The following CNTNAP5 variants were observed in gnomAD, a reference collection of about 807,000 sequenced individuals.
CNTNAP5 encodes the protein contactin associated protein family member 5, also known as contactin-associated protein-like 5.
A neutral mutation model predicts 150.2 loss-of-function variants in CNTNAP5; 72 were observed. That is an observed-to-expected ratio of 0.48 (90% CI 0.40 to 0.58). The LOEUF (loss-of-function observed/expected upper bound fraction) is 0.58. Ranked by LOEUF, CNTNAP5 falls within the 20% of genes least tolerant of loss-of-function variation. CNTNAP5 has a pLI of 0.00. For synonymous variants in CNTNAP5, 672 were observed against 619.8 expected (o/e 1.08, Z -1.25); for missense variants, 1,636 against 1,626.2 (o/e 1.01, Z -0.10).
At chr2:124,733,800 T>C (rs1680324825) in intron 13 of CNTNAP5, among the ~76,000 whole-genome samples, 1 of 152,190 alleles carries the variant, frequency 6.6e-6, no homozygotes, top group Admixed American at 6.5e-5. Context: ...ATTGCAGTGA[T>C]GTGCAGGCAG....
intron 13 of CNTNAP5, among the ~76,000 whole-genome samples, chr2:124,655,536 ATT>A (rs1678424742): frequency 1.1e-5 from 1 of 92,490 alleles, no homozygotes; most frequent in African/African-American, 4.4e-5. Flanking sequence ...GCATCAAATG[ATT>A]ATATATATAT....
chr2:124,208,232 A>G (rs1255298383), intron 1 of CNTNAP5, among the ~76,000 whole-genome samples: 3 of 152,172 alleles, frequency 2.0e-5, no homozygotes, highest in African/African-American at 7.2e-5. Context: ...ATGATTGTCT[A>G]TTGGGACCTA....
intron 14 of CNTNAP5, among the ~76,000 whole-genome samples, chr2:124,760,751 G>T (rs983666956): frequency 2.0e-5 from 3 of 151,898 alleles, no homozygotes; most frequent in Non-Finnish European, 4.4e-5. Context: ...TATATTGTTT[G>T]TATGTCATAT....
chr2:124,790,203 G>A (rs1681695628), intron 18 of CNTNAP5, 62 bp downstream of exon 18: 1 of 1,489,900 alleles, frequency 6.7e-7, no homozygotes. Context: ...GCTATGGTCA[G>A]GCCATGTGAT....
intron 5 of CNTNAP5, among the ~76,000 whole-genome samples, chr2:124,440,027 A>G (rs1467695381): frequency 1.3e-5 from 2 of 152,168 alleles, no homozygotes; most frequent in Non-Finnish European, 2.9e-5. Flanking sequence ...AGTAGTGAAG[A>G]CAGTTTTAGC....
intron 3 of CNTNAP5, among the ~76,000 whole-genome samples, chr2:124,290,590 C>G (rs1019118547): frequency 6.6e-6 from 1 of 152,182 alleles, no homozygotes; most frequent in Non-Finnish European, 1.5e-5. Flanking sequence ...AAGTCCTAGA[C>G]TAATGCTCTC....
intron 13 of CNTNAP5, among the ~76,000 whole-genome samples, chr2:124,746,376 T>C (rs1680603844): frequency 6.6e-6 from 1 of 152,152 alleles, no homozygotes; most frequent in African/African-American, 2.4e-5. Context: ...AGGACAAGAC[T>C]CAAAAATGGT....
intron 10 of CNTNAP5, among the ~76,000 whole-genome samples, chr2:124,550,887 T>A (rs1027554131): frequency 6.6e-6 from 1 of 152,214 alleles, no homozygotes; most frequent in Non-Finnish European, 1.5e-5. Flanking sequence ...GGTAGCAATG[T>A]CTTGCTACTA....
chr2:124,490,638 G>A (rs1181148027), intron 7 of CNTNAP5, among the ~76,000 whole-genome samples: 1 of 151,918 alleles, frequency 6.6e-6, no homozygotes. Flanking sequence ...ATCCAATATG[G>A]TAGCCACTAG....
At chr2:124,852,726 A>G (rs1472660956) in intron 19 of CNTNAP5, among the ~76,000 whole-genome samples, 1 of 152,188 alleles carries the variant, frequency 6.6e-6, no homozygotes, top group Non-Finnish European at 1.5e-5. Flanking sequence ...TAGTTGTTCA[A>G]GTGAGAGCTG....
Position 124,046,396 on chromosome 2 carries a change from T to C in CNTNAP5, c.82+20664T>C, listed in dbSNP as rs1308286891. Among the ~76,000 whole-genome samples, 11 of 146,162 alleles carry C rather than the reference T, an allele frequency of 7.5e-5. No individual in the cohort carries two copies. In the Admixed American group the frequency reaches 7.7e-4, roughly 10 times the overall value. On this transcript the variant is annotated intron_variant, in intron 1 of 23. Transcript: ENST00000682447. Reference sequence around the variant, plus strand: ...TACTCAGAGCCTTTCCCTTTGTCCTTTCCTCCACCTCCCCTGAGATCTGCT... The same window carrying C: ...TACTCAGAGCCTTTCCCTTTGTCCTCTCCTCCACCTCCCCTGAGATCTGCT...
chr2:124,621,557 G>C (rs1182688214), intron 12 of CNTNAP5, among the ~76,000 whole-genome samples: 1 of 152,150 alleles, frequency 6.6e-6, no homozygotes, highest in African/African-American at 2.4e-5. Context: ...TGCAATTGAG[G>C]TCTCTCCAAT....
chr2:124,728,359 G>A (rs1467874747), intron 13 of CNTNAP5, among the ~76,000 whole-genome samples: 5 of 151,984 alleles, frequency 3.3e-5, no homozygotes, highest in Non-Finnish European at 7.4e-5. Context: ...GAGAAGGATT[G>A]ACACTAGTTC....
intron 3 of CNTNAP5, among the ~76,000 whole-genome samples, chr2:124,390,099 C>T (rs1027252213): frequency 2.0e-5 from 3 of 152,102 alleles, no homozygotes; most frequent in Admixed American, 6.6e-5. Flanking sequence ...CCCCAAAGCA[C>T]GATCAATGAT....
At position 124,164,867 on chromosome 2, in the gene CNTNAP5, T is replaced by A. The variant is rs181472103; in HGVS notation, c.83-56838T>A. Among the ~76,000 whole-genome samples the A allele has an allele frequency of 1.5e-3, 228 of 151,268 alleles. 3 individuals carry two copies. Among genetic ancestry groups the A allele is most frequent in the Admixed American group, 3.6e-3 (54 of 15,196 alleles). On this transcript the variant is annotated intron_variant, in intron 1 of 23. Transcript: ENST00000682447. ...TAGATCTCAGCTGGGGAAGGAAAAA[T>A]CAGGTTTTGTCTTAAGCTACTGGAT...
chr2:124,324,542 C>T (rs1294556999), intron 3 of CNTNAP5, among the ~76,000 whole-genome samples: 2 of 152,078 alleles, frequency 1.3e-5, no homozygotes, highest in Non-Finnish European at 2.9e-5. Flanking sequence ...TAATTGGGTC[C>T]CTTGAGTTTG....
At chr2:124,581,824 T>C (rs991359299) in intron 11 of CNTNAP5, among the ~76,000 whole-genome samples, 1 of 152,054 alleles carries the variant, frequency 6.6e-6, no homozygotes, top group Non-Finnish European at 1.5e-5. Context: ...ACATGACGCA[T>C]CCCCAGGAAG....
intron 19 of CNTNAP5, among the ~76,000 whole-genome samples, chr2:124,837,080 A>G (rs181715145): frequency 6.6e-6 from 1 of 152,136 alleles, no homozygotes; most frequent in Admixed American, 6.6e-5. Flanking sequence ...CCAGAGTGGA[A>G]CTGAGTATGT....
At chr2:124,658,522 C>T (rs1449460947) in intron 13 of CNTNAP5, among the ~76,000 whole-genome samples, 1 of 151,760 alleles carries the variant, frequency 6.6e-6, no homozygotes, top group East Asian at 1.9e-4. Context: ...CTTTTGTCAG[C>T]CTCTCAAGCT....
Sources: allele counts gnomAD v4.1 joint callset (sites outside exome capture counted in the v4.1 genomes callset), GRCh38; gene constraint gnomAD v4.1.1; transcripts MANE v1.5; gene names NCBI Gene and HGNC (gene_info 2026-07-23, HGNC 2026-07-21).